NELL1: variants seen among roughly 807,000 people sequenced by gnomAD.
NELL1 encodes neural EGFL like 1.
Under a neutral mutation model 107.4 loss-of-function variants are expected in NELL1, and 76 were observed. The ratio of observed to expected loss-of-function variants is 0.71; its 90% CI spans 0.59 to 0.86. The LOEUF (loss-of-function observed/expected upper bound fraction) is 0.86, where lower values mean the gene tolerates loss of function less well. NELL1 is among the 40% of genes least tolerant of loss of function. The pLI, the probability that NELL1 is intolerant of heterozygous loss-of-function variation, is 0.00. For missense variants in NELL1, 1,024 were observed against 1,005.5 expected (o/e 1.02, Z -0.25); for synonymous variants, 353 against 341.2 (o/e 1.03, Z -0.38).
chr11:21,152,179 G>A (rs1389932966), intron 13 of NELL1, among the ~76,000 whole-genome samples: 1 of 152,170 alleles, frequency 6.6e-6, no homozygotes, highest in African/African-American at 2.4e-5. Context: ...GGGTGGAGGG[G>A]CTGATGGCTT....
At chr11:20,987,419 A>C (rs1851875586) in intron 12 of NELL1, among the ~76,000 whole-genome samples, 1 of 152,214 alleles carries the variant, frequency 6.6e-6, no homozygotes, top group Admixed American at 6.5e-5. Context: ...TATAAAGGAA[A>C]GAGGTTTTAA....
intron 13 of NELL1, among the ~76,000 whole-genome samples, chr11:21,145,132 TTAC>T (rs1215664923): frequency 2.0e-5 from 3 of 152,208 alleles, no homozygotes; most frequent in African/African-American, 7.2e-5. Context: ...TTTATTATTA[TTAC>T]TACTATTATC....
At chr11:21,531,240 G>A (rs6483779) in intron 15 of NELL1, among the ~76,000 whole-genome samples, 128,792 of 152,106 alleles carry the variant, frequency 0.85, 56,120 homozygotes, top group Non-Finnish European at 0.95. Flanking sequence ...TTGGAGTCAT[G>A]TTTCATCCAT....
At chr11:20,919,654 A>G (rs938840506) in intron 7 of NELL1, among the ~76,000 whole-genome samples, 3 of 152,120 alleles carry the variant, frequency 2.0e-5, no homozygotes, top group African/African-American at 7.2e-5. Context: ...AAGATGATCT[A>G]TGGTCAGAGC....
At position 20,846,332 on chromosome 11, in the gene NELL1, G is replaced by T. The variant is rs548442286; in HGVS notation, c.336-1251G>T. ...CTTTTGGGATTCAGGCACAATAGAC[G>T]CTGAGTTTCCTGATATATTCATTTC... On this transcript the variant is annotated intron_variant, in intron 3 of 19. Transcript: ENST00000357134. 4.6e-5 allele frequency among the ~76,000 whole-genome samples: 7 copies of T among 152,288 alleles called. No individual in the cohort carries two copies. The East Asian group carries it at 1.3e-3, about 29-fold the overall frequency.
intron 2 of NELL1, among the ~76,000 whole-genome samples, chr11:20,713,284 G>T (rs1028377256): frequency 6.6e-6 from 1 of 152,144 alleles, no homozygotes; most frequent in East Asian, 1.9e-4. Flanking sequence ...ACCATCAGGT[G>T]GGGGAAGATT....
intron 2 of NELL1, among the ~76,000 whole-genome samples, chr11:20,779,875 G>T (rs1346138249): frequency 6.6e-6 from 1 of 152,184 alleles, no homozygotes; most frequent in African/African-American, 2.4e-5. Context: ...GTTCAGAGAG[G>T]TAAGGTACTT....
At chr11:21,061,264 G>A (rs1449829868) in intron 12 of NELL1, among the ~76,000 whole-genome samples, 1 of 152,164 alleles carries the variant, frequency 6.6e-6, no homozygotes, top group African/African-American at 2.4e-5. Flanking sequence ...ATGTGTGTGT[G>A]TAAAATGATT....
intron 12 of NELL1, among the ~76,000 whole-genome samples, chr11:20,976,162 CA>C (rs1439589683): frequency 1.9e-5 from 2 of 106,780 alleles, no homozygotes; most frequent in African/African-American, 4.0e-5. Context: ...TATATACACA[CA>C]TTATATCTGT....
At chr11:20,981,365 G>A (rs1228646099) in intron 12 of NELL1, among the ~76,000 whole-genome samples, 1 of 152,102 alleles carries the variant, frequency 6.6e-6, no homozygotes, top group Non-Finnish European at 1.5e-5. Context: ...CCCCATCAAA[G>A]GTATGTGGGT....
intron 11 of NELL1, among the ~76,000 whole-genome samples, chr11:20,952,147 G>T (rs1454420443): frequency 6.6e-6 from 1 of 151,956 alleles, no homozygotes; most frequent in Non-Finnish European, 1.5e-5. Flanking sequence ...CGGAATTCTT[G>T]ACATACTCCT....
intron 2 of NELL1, among the ~76,000 whole-genome samples, chr11:20,776,565 T>C (rs112162905): frequency 1.6e-3 from 240 of 152,176 alleles, no homozygotes; most frequent in African/African-American, 5.7e-3. Flanking sequence ...ACAATGAAGA[T>C]AAATAAAGAC....
At chr11:21,331,446 G>T (rs1241752920) in intron 14 of NELL1, among the ~76,000 whole-genome samples, 1 of 152,036 alleles carries the variant, frequency 6.6e-6, no homozygotes, top group Non-Finnish European at 1.5e-5. Flanking sequence ...GCAGTGTAAA[G>T]CCTCTGATGT....
chr11:20,751,094 T>C (rs1180167899), intron 2 of NELL1, among the ~76,000 whole-genome samples: 2 of 152,156 alleles, frequency 1.3e-5, no homozygotes, highest in Non-Finnish European at 2.9e-5. Context: ...ATCTATAGCT[T>C]ATCCTTATGC....
rs1253973696 is a variant in NELL1, at chr11:20,719,912, TTTTC to T, written c.184+41856_184+41859del. ...ATGGAAAAACCAGACTGTTAGTCAC[TTTTC>T]TTTATCTCGTCCAACTGAAAAGATT... On this transcript the variant is annotated intron_variant, in intron 2 of 19. Transcript: ENST00000357134. Among the ~76,000 whole-genome samples the T allele has an allele frequency of 2.6e-5, 4 of 152,268 alleles. No homozygotes were observed. In the East Asian group the frequency reaches 7.7e-4, roughly 29 times the overall value.
In NELL1 at chr11:21,296,350, A is replaced by G. The variant is rs186313313; in HGVS notation, c.1549+66896A>G. Among the ~76,000 whole-genome samples the G allele has an allele frequency of 5.3e-4, 81 of 152,076 alleles. 1 individual carries two copies. Among genetic ancestry groups the G allele is most frequent in the African/African-American group, 1.8e-3 (75 of 41,546 alleles). On this transcript the variant is annotated intron_variant, in intron 14 of 19. Coordinates refer to ENST00000357134, the MANE Select transcript of NELL1 (RefSeq NM_006157.5). The stretch of plus-strand genomic sequence containing the variant: ...CAAATAATTAGTTATTATTCCTGGG[A>G]GCGTAGTCTCACAATTGCAAATATT...
At chr11:21,535,985 GT>G (rs1405010113) in intron 16 of NELL1, among the ~76,000 whole-genome samples, 1 of 152,124 alleles carries the variant, frequency 6.6e-6, no homozygotes, top group Non-Finnish European at 1.5e-5. Context: ...ATTAAGCATG[GT>G]GGCTAAAAGA....
chr11:21,319,494 T>TTTTA lies in NELL1; in HGVS notation c.1550-51358_1550-51357insTTAT, dbSNP rs1469274185. 1.5e-4 allele frequency among the ~76,000 whole-genome samples: 20 copies of TTTTA among 135,624 alleles called. 1 individual carries two copies. The East Asian group carries it at 4.0e-3, about 27-fold the overall frequency. The allele number at this position is 135,624 out of a possible 152,430, so 89.0% of individuals were successfully genotyped here. A position where few individuals can be genotyped will look rare whatever the true frequency, so the allele number is the denominator to read the frequency against. On this transcript the variant is annotated intron_variant, in intron 14 of 19. Coordinates refer to ENST00000357134, the MANE Select transcript of NELL1 (RefSeq NM_006157.5). ...CATGAGCCACCATGCCCAGCTAAAT[T>TTTTA]TATATATATATATATATATATATTT...
chr11:20,797,343 T>A (rs1273167342), intron 3 of NELL1, among the ~76,000 whole-genome samples: 1 of 151,718 alleles, frequency 6.6e-6, no homozygotes, highest in African/African-American at 2.4e-5. Context: ...GGCGGGTAGA[T>A]CACGAAGTCA....
Sources: gnomAD v4.1 joint callset for allele counts (sites outside exome capture counted in the v4.1 genomes callset) on GRCh38, gnomAD v4.1.1 for gene constraint, MANE v1.5 for transcripts, NCBI Gene and HGNC (gene_info 2026-07-23, HGNC 2026-07-21) for gene names.